The following GRXCR1 variants were observed in gnomAD, a reference collection of about 807,000 sequenced individuals.
The protein encoded by GRXCR1 is glutaredoxin domain-containing cysteine-rich protein 1.
A neutral mutation model predicts 27.3 loss-of-function variants in GRXCR1; 27 were observed. That is an observed-to-expected ratio of 0.99 (90% CI 0.73 to 1.37). GRXCR1 has a LOEUF of 1.37. Among genes scored for constraint, GRXCR1 ranks in the 40% most tolerant of loss-of-function variants. GRXCR1 has a pLI of 0.00. For synonymous variants in GRXCR1, 122 were observed against 131.1 expected (o/e 0.93, Z 0.47); for missense variants, 379 against 354.4 (o/e 1.07, Z -0.56).
chr4:42,990,943 G>A (rs1711952403), intron 2 of GRXCR1, among the ~76,000 whole-genome samples: 1 of 151,920 alleles, frequency 6.6e-6, no homozygotes, highest in South Asian at 2.1e-4. Context: ...AATACATATG[G>A]TAAGCTCTTA....
At chr4:42,974,116 T>C (rs1348812571) in intron 2 of GRXCR1, among the ~76,000 whole-genome samples, 1 of 152,038 alleles carries the variant, frequency 6.6e-6, no homozygotes, top group Non-Finnish European at 1.5e-5. Context: ...GATTGCAGGG[T>C]ACCAAATGAG....
intron 2 of GRXCR1, among the ~76,000 whole-genome samples, chr4:42,997,152 GGTT>G (rs1391889879): frequency 2.8e-4 from 43 of 152,056 alleles, no homozygotes; most frequent in Admixed American, 2.5e-3. Flanking sequence ...TATATTAATA[GGTT>G]ATTACCCATA....
At chr4:42,993,703 T>C (rs1411273224) in intron 2 of GRXCR1, among the ~76,000 whole-genome samples, 1 of 152,146 alleles carries the variant, frequency 6.6e-6, no homozygotes, top group African/African-American at 2.4e-5. Context: ...TATGAGTACT[T>C]GAAGTATGGT....
chr4:42,912,915 T>C (rs1746757023), intron 1 of GRXCR1, among the ~76,000 whole-genome samples: 1 of 151,890 alleles, frequency 6.6e-6, no homozygotes, highest in South Asian at 2.1e-4. Context: ...TGATAGTGAG[T>C]GAGTTATAAT....
rs1448210128 is a variant in GRXCR1 at position 42,893,611 on chromosome 4, T to A, written c.345T>A (p.Ala115=). ...GAGGCGTCAAATACAAAGTGAGTGC[T>A]GGCCAGGCTCTATTTAACAATTTGA... ...TVRGVKYKVS[A]GQALFNNLTK... The change falls in exon 1 of 4, where the codon GCT becomes GCA. Residue 115 remains alanine, a synonymous_variant. Coordinates refer to ENST00000399770, the MANE Select transcript of GRXCR1 (RefSeq NM_001080476.3). 1 of 1,613,540 alleles carries A rather than the reference T, an allele frequency of 6.2e-7. No homozygotes were observed. The highest frequency in any genetic ancestry group is 1.7e-5 in the Admixed American group (1 of 59,970).
intron 1 of GRXCR1, among the ~76,000 whole-genome samples, chr4:42,957,910 A>G (rs772595713): frequency 1.8e-4 from 27 of 151,812 alleles, no homozygotes; most frequent in Non-Finnish European, 3.2e-4. Context: ...GTCACTCTGT[A>G]ATTTGTCACT....
At chr4:43,009,791 G>A (rs957384841) in intron 2 of GRXCR1, among the ~76,000 whole-genome samples, 4 of 152,082 alleles carry the variant, frequency 2.6e-5, no homozygotes, top group African/African-American at 9.7e-5. Context: ...CACATTAAGG[G>A]TTAGGATTTG....
intron 1 of GRXCR1, among the ~76,000 whole-genome samples, chr4:42,939,934 A>T (rs1747573609): frequency 6.6e-6 from 1 of 151,564 alleles, no homozygotes; most frequent in Non-Finnish European, 1.5e-5. Flanking sequence ...TTTTCCCCTT[A>T]GTTGAGACAG....
At chr4:42,990,215 G>A (rs547659551) in intron 2 of GRXCR1, among the ~76,000 whole-genome samples, 1 of 59,602 alleles carries the variant, frequency 1.7e-5, no homozygotes, top group Non-Finnish European at 2.9e-5. Flanking sequence ...TTTTTGAGAC[G>A]GAGTCTCGCT....
intron 2 of GRXCR1, among the ~76,000 whole-genome samples, chr4:42,975,594 C>A (rs146559052): frequency 7.2e-5 from 11 of 152,192 alleles, no homozygotes; most frequent in Non-Finnish European, 1.5e-4. Flanking sequence ...GCAGTGATAC[C>A]GGAGTCCACG....
chr4:42,936,687 A>C (rs998303595), intron 1 of GRXCR1, among the ~76,000 whole-genome samples: 3 of 151,478 alleles, frequency 2.0e-5, no homozygotes, highest in Non-Finnish European at 4.4e-5. Flanking sequence ...TATTTCATTC[A>C]TTTTCTCAGG....
intron 1 of GRXCR1, among the ~76,000 whole-genome samples, chr4:42,943,799 T>C (rs1008970112): frequency 2.0e-5 from 3 of 152,056 alleles, no homozygotes; most frequent in Non-Finnish European, 2.9e-5. Flanking sequence ...TTAGAAGACA[T>C]TTATCAATAT....
intron 2 of GRXCR1, among the ~76,000 whole-genome samples, chr4:43,011,382 G>A (rs1712745450): frequency 6.6e-6 from 1 of 152,130 alleles, no homozygotes; most frequent in African/African-American, 2.4e-5. Flanking sequence ...TGGGGGTATT[G>A]CCTCTGCTCC....
At chr4:42,943,162 C>T (rs1053147763) in intron 1 of GRXCR1, among the ~76,000 whole-genome samples, 2 of 152,074 alleles carry the variant, frequency 1.3e-5, no homozygotes, top group Non-Finnish European at 2.9e-5. Context: ...TCAGCTTCCA[C>T]CTTTCTAAAA....
At chr4:42,897,964 T>G (rs200515655) in intron 1 of GRXCR1, among the ~76,000 whole-genome samples, 10,314 of 140,520 alleles carry the variant, frequency 0.073, 457 homozygotes, top group African/African-American at 0.12. Flanking sequence ...TTATTCTTAT[T>G]ATGTCTGTTT....
Position 42,965,032 on chromosome 4 carries a change from C to T in GRXCR1, c.627+1898C>T, listed in dbSNP as rs138286337. On this transcript the variant is annotated intron_variant, in intron 2 of 3. Coordinates refer to ENST00000399770, the MANE Select transcript of GRXCR1 (RefSeq NM_001080476.3). ...TTAGTGGGCAACTGCCTTCAATGCA[C>T]AGGTATAAAGTTGGCTGTTCTTATT... 3.3e-5 allele frequency among the ~76,000 whole-genome samples: 5 copies of T among 152,196 alleles called. No individual in the cohort carries two copies. In the East Asian group the frequency reaches 9.7e-4, roughly 29 times the overall value.
chr4:43,000,546 C>T (rs1434034437), intron 2 of GRXCR1, among the ~76,000 whole-genome samples: 1 of 149,816 alleles, frequency 6.7e-6, no homozygotes. Context: ...TCAAGTAATC[C>T]TTTTCTACTT....
At chr4:42,958,726 A>G (rs1748064840) in intron 1 of GRXCR1, among the ~76,000 whole-genome samples, 1 of 152,004 alleles carries the variant, frequency 6.6e-6, no homozygotes, top group Admixed American at 6.6e-5. Context: ...AGCAAAAACC[A>G]AATAATCCAA....
chr4:42,925,079 C>T (rs1328929542), intron 1 of GRXCR1, among the ~76,000 whole-genome samples: 2 of 151,192 alleles, frequency 1.3e-5, no homozygotes, highest in African/African-American at 4.9e-5. Context: ...AAAAAGAAAG[C>T]TTATGAGGAG....
Sources: gnomAD v4.1 joint callset for allele counts (sites outside exome capture counted in the v4.1 genomes callset) on GRCh38, gnomAD v4.1.1 for gene constraint, MANE v1.5 for transcripts, NCBI Gene and HGNC (gene_info 2026-07-23, HGNC 2026-07-21) for gene names.